The following RTN1 variants were observed in gnomAD, a reference collection of about 807,000 sequenced individuals.
The protein encoded by RTN1 is reticulon 1.
A neutral mutation model predicts 65.5 loss-of-function variants in RTN1; 25 were observed. That is an observed-to-expected ratio of 0.38 (90% confidence interval 0.28 to 0.53). The LOEUF (loss-of-function observed/expected upper bound fraction) is 0.53. Ranked by LOEUF, RTN1 falls within the 20% of genes least tolerant of loss-of-function variation. RTN1 has a pLI of 0.79. For synonymous variants in RTN1, 471 were observed against 447.6 expected (o/e 1.05, Z -0.66); for missense variants, 983 against 1,025.4 (o/e 0.96, Z 0.57).
intron 8 of RTN1, among the ~76,000 whole-genome samples, chr14:59,600,063 C>T (rs1881532602): frequency 2.0e-5 from 3 of 151,972 alleles, no homozygotes; most frequent in Admixed American, 2.0e-4. Context: ...GGCTTTTTTC[C>T]TCATTTTCAA....
At chr14:59,779,579 C>T (rs1430272704) in intron 1 of RTN1, among the ~76,000 whole-genome samples, 1 of 151,758 alleles carries the variant, frequency 6.6e-6, no homozygotes, top group East Asian at 2.0e-4. Flanking sequence ...ATTCTTATTC[C>T]AAGCAGTAGA....
At chr14:59,697,637 C>A (rs1884089576) in intron 3 of RTN1, among the ~76,000 whole-genome samples, 1 of 152,086 alleles carries the variant, frequency 6.6e-6, no homozygotes, top group Non-Finnish European at 1.5e-5. Flanking sequence ...AGACAAAATG[C>A]AAGGCCTAGT....
At position 59,749,146 on chromosome 14, in the gene RTN1, CTATCTATCTATATCTATCTATA is replaced by C. The variant is rs1466785747; in HGVS notation, c.242-2687_242-2666del. ...TATAGATATATCTATATCTATCTAT[CTATCTATCTATATCTATCTATA>C]TATCTATCTATATATCTATCTATAT... is the stretch of plus-strand genomic sequence containing the variant. On this transcript the variant is annotated intron_variant, in intron 1 of 8. Transcript: ENST00000267484. 2.8e-5 allele frequency among the ~76,000 whole-genome samples: 3 copies of C among 108,840 alleles called. 1 individual carries two copies. In the East Asian group the frequency reaches 6.9e-4, roughly 25 times the overall value. 71.4% of individuals were successfully genotyped at this position (108,840 alleles called of 152,430 possible).
chr14:59,647,865 C>T (rs1437371981), intron 3 of RTN1, among the ~76,000 whole-genome samples: 1 of 151,898 alleles, frequency 6.6e-6, no homozygotes, highest in Non-Finnish European at 1.5e-5. Context: ...ATAACCTAAC[C>T]CTGCAACTAA....
intron 3 of RTN1, among the ~76,000 whole-genome samples, chr14:59,625,308 A>G (rs1467105123): frequency 6.6e-6 from 1 of 152,186 alleles, no homozygotes; most frequent in African/African-American, 2.4e-5. Flanking sequence ...TATTTCGTCA[A>G]CCTTTCTAAC....
chr14:59,726,589 G>C lies in RTN1; in HGVS notation c.1765+330C>G, dbSNP rs144048796. Among the ~76,000 whole-genome samples the C allele has an allele frequency of 8.5e-4, 129 of 152,288 alleles. 2 individuals are homozygous for C. The Middle Eastern group carries it at 0.027, about 32-fold the overall frequency. On this transcript the variant is annotated intron_variant, in intron 3 of 8. Transcript: ENST00000267484. ...ATAACAAGAAAAGCATCGCTTTCCT[G>C]GGGGAGGAAACCCAGCCCTGGAATG...
At chr14:59,861,761 G>T (rs975280018) in intron 1 of RTN1, among the ~76,000 whole-genome samples, 10 of 152,122 alleles carry the variant, frequency 6.6e-5, no homozygotes, top group African/African-American at 1.9e-4. Context: ...TTTGCTTCAT[G>T]AAAGTTCTTC....
At chr14:59,750,105 A>AT in intron 1 of RTN1, among the ~76,000 whole-genome samples, 1 of 60,284 alleles carries the variant, frequency 1.7e-5, no homozygotes. Context: ...TATATATTAT[A>AT]TATTATATAT....
chr14:59,714,004 G>A (rs112649557), intron 3 of RTN1, among the ~76,000 whole-genome samples: 127 of 152,276 alleles, frequency 8.3e-4, no homozygotes, highest in African/African-American at 2.8e-3. Context: ...GGGAGGCCGA[G>A]GCAGGCAGAT....
intron 3 of RTN1, among the ~76,000 whole-genome samples, chr14:59,654,722 G>A (rs1214617121): frequency 6.6e-6 from 1 of 151,640 alleles, no homozygotes; most frequent in Admixed American, 6.6e-5. Context: ...TCTCAATGCA[G>A]AAAAAAAATT....
chr14:59,684,290 TA>T (rs1396631737), intron 3 of RTN1, among the ~76,000 whole-genome samples: 4 of 152,104 alleles, frequency 2.6e-5, no homozygotes, highest in Non-Finnish European at 5.9e-5. Flanking sequence ...GCATTTTCAC[TA>T]TCATTTATAT....
chr14:59,606,125 T>TATATAAAA (rs1345665820), intron 4 of RTN1: 1 of 111,466 alleles, frequency 9.0e-6, no homozygotes, highest in African/African-American at 3.8e-5. Context: ...TATATATATA[T>TATATAAAA]ATCATACCAG....
At chr14:59,695,550 C>G (rs1334659152) in intron 3 of RTN1, among the ~76,000 whole-genome samples, 1 of 152,158 alleles carries the variant, frequency 6.6e-6, no homozygotes. Context: ...CTAAGCCAAG[C>G]TGAGCAGAGC....
At chr14:59,749,192 A>C (rs1326290947) in intron 1 of RTN1, among the ~76,000 whole-genome samples, 2 of 88,166 alleles carry the variant, frequency 2.3e-5, no homozygotes, top group East Asian at 2.9e-4. Flanking sequence ...ATCTATCTAT[A>C]TATATCTATA....
intron 3 of RTN1, among the ~76,000 whole-genome samples, chr14:59,717,695 T>C (rs978698616): frequency 6.6e-6 from 1 of 152,198 alleles, no homozygotes; most frequent in Non-Finnish European, 1.5e-5. Flanking sequence ...CACTCTCCCA[T>C]ACGGAGGTGG....
chr14:59,823,001 T>C (rs974417370), intron 1 of RTN1, among the ~76,000 whole-genome samples: 1 of 152,192 alleles, frequency 6.6e-6, no homozygotes, highest in Admixed American at 6.5e-5. Context: ...GAGTATTCTG[T>C]AGATGTCTAT....
At chr14:59,676,433 A>C (rs1883629102) in intron 3 of RTN1, among the ~76,000 whole-genome samples, 1 of 152,220 alleles carries the variant, frequency 6.6e-6, no homozygotes, top group South Asian at 2.1e-4. Context: ...GGTTCAATTA[A>C]GTATCAGTAG....
At position 59,596,173 on chromosome 14, in the gene RTN1, G is replaced by T. The variant is rs749714917; in HGVS notation, c.*572C>A. On this transcript the variant is annotated 3_prime_UTR_variant, in exon 9 of 9. Transcript: ENST00000267484. ...ATCCCATACAACAAAAGTACTGCATGTTTGTTTTGGATTTATTCATTTATT... is the reference window on the plus strand; with the variant it reads ...ATCCCATACAACAAAAGTACTGCATTTTTGTTTTGGATTTATTCATTTATT... 1 of 145,678 alleles carries T rather than the reference G, an allele frequency of 6.9e-6. No homozygotes were observed. 9.0% of individuals were successfully genotyped at this position (145,678 alleles called of 1,614,324 possible).
intron 1 of RTN1, among the ~76,000 whole-genome samples, chr14:59,799,658 A>G (rs1300630076): frequency 6.6e-6 from 1 of 152,222 alleles, no homozygotes; most frequent in African/African-American, 2.4e-5. Flanking sequence ...TGGTGCTCAC[A>G]AGAAATATTT....
Sources: gnomAD v4.1 joint callset for allele counts (sites outside exome capture counted in the v4.1 genomes callset) on GRCh38, gnomAD v4.1.1 for gene constraint, MANE v1.5 for transcripts, NCBI Gene and HGNC (gene_info 2026-07-23, HGNC 2026-07-21) for gene names.